The following CIP2A variants were observed in gnomAD, a reference collection of about 807,000 sequenced individuals.
The protein encoded by CIP2A is protein CIP2A.
In CIP2A, 103 loss-of-function variants were observed where a neutral mutation model predicts 110.9. That is an observed-to-expected ratio of 0.93 (90% CI 0.79 to 1.09). The LOEUF is 1.09. Among genes scored for constraint, CIP2A ranks in the 50% least tolerant of loss-of-function variants. CIP2A has a pLI of 0.00. For missense variants in CIP2A, 1,088 were observed against 1,038.4 expected (o/e 1.05, Z -0.66); for synonymous variants, 381 against 361.6 (o/e 1.05, Z -0.61).
At chr3:108,563,896 C>A (rs1030316249) in intron 12 of CIP2A, among the ~76,000 whole-genome samples, 1 of 151,806 alleles carries the variant, frequency 6.6e-6, no homozygotes, top group African/African-American at 2.4e-5. Flanking sequence ...TTGAGTATCA[C>A]CTTTGAGCCT....
intron 5 of CIP2A, among the ~76,000 whole-genome samples, chr3:108,580,548 C>A (rs903249452): frequency 2.0e-5 from 3 of 150,958 alleles, no homozygotes; most frequent in Admixed American, 1.3e-4. Context: ...AATTTAAAAT[C>A]GAACGGGTAA....
intron 7 of CIP2A, among the ~76,000 whole-genome samples, chr3:108,578,303 A>G (rs920660347): frequency 4.6e-5 from 7 of 152,196 alleles, no homozygotes; most frequent in African/African-American, 7.2e-5. Context: ...ATAGATATAC[A>G]TGGATATTGG....
At chr3:108,589,159 G>T in intron 1 of CIP2A, 115 bp downstream of exon 1, 1 of 725,540 alleles carries the variant, frequency 1.4e-6, no homozygotes, top group Non-Finnish European at 2.4e-6. Flanking sequence ...AGACAACAGA[G>T]GGATCGAAGG....
At chr3:108,568,063 T>C in intron 10 of CIP2A, 92 bp downstream of exon 10, 1 of 986,238 alleles carries the variant, frequency 1.0e-6, no homozygotes. Context: ...AAGTGACAAA[T>C]TACAAATAAA....
intron 1 of CIP2A, among the ~76,000 whole-genome samples, chr3:108,588,738 A>G (rs1939184668): frequency 6.6e-6 from 1 of 152,206 alleles, no homozygotes; most frequent in Admixed American, 6.5e-5. Context: ...AAGATTAAAA[A>G]ACTGTAAGCA....
intron 13 of CIP2A, 67 bp from the exon 14 acceptor site, chr3:108,560,908 A>C (rs911270225): frequency 9.2e-7 from 1 of 1,087,494 alleles, no homozygotes; most frequent in African/African-American, 1.6e-5. Flanking sequence ...GACTTAGTGC[A>C]GAATTAGGGA....
At chr3:108,569,787 T>C (rs958874858) in intron 8 of CIP2A, among the ~76,000 whole-genome samples, 180 bp from the exon 9 acceptor site, 4 of 152,020 alleles carry the variant, frequency 2.6e-5, no homozygotes, top group African/African-American at 9.7e-5. Flanking sequence ...GATTATAAAA[T>C]AAACTTATTA....
intron 20 of CIP2A, 23 bp from the exon 21 acceptor site, chr3:108,551,342 G>A: frequency 6.4e-7 from 1 of 1,556,540 alleles, no homozygotes; most frequent in Non-Finnish European, 8.7e-7. Context: ...GGTTGGGGGA[G>A]GAGGAAGAAT....
chr3:108,558,532 G>C (rs1009581933), intron 16 of CIP2A, among the ~76,000 whole-genome samples: 22 of 152,064 alleles, frequency 1.4e-4, no homozygotes, highest in Admixed American at 2.6e-4. Flanking sequence ...CTATGCTAGG[G>C]CCTGGAGCTA....
chr3:108,568,307 A>G lies in CIP2A; in HGVS notation c.1121T>C (p.Ile374Thr), dbSNP rs532528565. The change falls in exon 10 of 21, where the codon ATA (isoleucine) becomes ACA (threonine). Residue 374 changes from isoleucine (I) to threonine (T), a missense_variant. Coordinates refer to ENST00000295746, the MANE Select transcript of CIP2A (RefSeq NM_020890.3). ...AGCCGAGGAACAGTTAGCAGCATCT[A>G]TGACATCCTGGAGAATTATCCATCA... ...ELFKEIFEDVIDAANCSSADR... is the reference protein window; with the variant it reads ...ELFKEIFEDVTDAANCSSADR... 1.2e-6 allele frequency: 2 copies of G among 1,611,436 alleles called. No homozygotes were observed. The highest frequency in any genetic ancestry group is 1.3e-5 in the African/African-American group (1 of 74,910).
chr3:108,557,772 A>C (rs932052236), intron 16 of CIP2A, among the ~76,000 whole-genome samples: 3 of 152,160 alleles, frequency 2.0e-5, no homozygotes, highest in African/African-American at 7.2e-5. Flanking sequence ...CAGCATTCTC[A>C]TTTCAGGTGA....
Position 108,551,091 on chromosome 3 carries a change from CAATAGATAAATACAT to C in CIP2A, c.*43_*57del. 2.3e-5 allele frequency: 17 copies of C among 746,124 alleles called. No individual in the cohort carries two copies. Among genetic ancestry groups the C allele is most frequent in the Non-Finnish European group, 3.0e-5 (15 of 493,396 alleles). The allele number at this position is 746,124 out of a possible 1,614,324, so 46.2% of individuals were successfully genotyped here. On this transcript the variant is annotated 3_prime_UTR_variant, in exon 21 of 21. Transcript: ENST00000295746. ...TTAACTCCCCTACCCACCCCCCCTC[CAATAGATAAATACAT>C]CAAAAATATCATGAGATTACAAATT...
chr3:108,558,551 G>A (rs1014702300), intron 16 of CIP2A, among the ~76,000 whole-genome samples: 1 of 152,118 alleles, frequency 6.6e-6, no homozygotes, highest in Admixed American at 6.6e-5. Flanking sequence ...TATAGAAGCA[G>A]TCTTTGATAC....
chr3:108,582,146 G>A lies in CIP2A; in HGVS notation c.414C>T (p.Ala138=), dbSNP rs765395751. 4.0e-6 allele frequency: 6 copies of A among 1,508,412 alleles called. No individual in the cohort carries two copies. The allele number at this position is 1,508,412 out of a possible 1,614,324, so 93.4% of individuals were successfully genotyped here. A position where few individuals can be genotyped will look rare whatever the true frequency, so the allele number is the denominator to read the frequency against. The stretch of plus-strand genomic sequence containing the variant: ...GGAACGTAATTAATTCATCTATATT[G>A]GCACCAGAATAGAAAATTTTGACAT... The part of the protein sequence containing the change: ...TYNVKIFYSG[A]NIDELITFLI... The change falls in exon 4 of 21, where the codon GCC becomes GCT. Residue 138 remains alanine, a synonymous_variant. Transcript: ENST00000295746.
rs755932255 is a variant in CIP2A at position 108,565,499 on chromosome 3, T to G, written c.1416-45A>C. Reference sequence around the variant, plus strand: ...TTAAATTAGATAACTGAAAAATTTCTTAGAGCTTGTTTCTGTCCAAAATTC... The same window carrying G: ...TTAAATTAGATAACTGAAAAATTTCGTAGAGCTTGTTTCTGTCCAAAATTC... On this transcript the variant is annotated intron_variant, in intron 11 of 20. Coordinates refer to ENST00000295746, the MANE Select transcript of CIP2A (RefSeq NM_020890.3). 3.8e-6 allele frequency: 4 copies of G among 1,047,598 alleles called. No homozygotes were observed. The East Asian group carries it at 1.0e-4, about 26-fold the overall frequency. 64.9% of individuals were successfully genotyped at this position (1,047,598 alleles called of 1,614,324 possible). A position where few individuals can be genotyped will look rare whatever the true frequency, so the allele number is the denominator to read the frequency against.
At position 108,576,253 on chromosome 3, in the gene CIP2A, A is replaced by G; in HGVS notation, c.894+18T>C. ...GCAGTTTTTAAAAGTTTAAATGAAAAGTCATGTTTTTACATACCTTTGAAG... is the reference window on the plus strand; with the variant it reads ...GCAGTTTTTAAAAGTTTAAATGAAAGGTCATGTTTTTACATACCTTTGAAG... On this transcript the variant is annotated intron_variant, in intron 8 of 20. Transcript: ENST00000295746. 2 of 1,470,476 alleles carry G rather than the reference A, an allele frequency of 1.4e-6. No individual in the cohort carries two copies. Among genetic ancestry groups the G allele is most frequent in the Admixed American group, 2.4e-5 (1 of 42,076 alleles). The allele number at this position is 1,470,476 out of a possible 1,614,324, so 91.1% of individuals were successfully genotyped here.
At chr3:108,558,792 G>A (rs1937898094) in intron 16 of CIP2A, among the ~76,000 whole-genome samples, 1 of 152,134 alleles carries the variant, frequency 6.6e-6, no homozygotes, top group Non-Finnish European at 1.5e-5. Context: ...AAGGAAATAC[G>A]AGAATATGTC....
rs1938243753 is a variant in CIP2A at position 108,568,022 on chromosome 3, A to C, written c.1273+133T>G. On this transcript the variant is annotated intron_variant, in intron 10 of 20. Coordinates refer to ENST00000295746, the MANE Select transcript of CIP2A (RefSeq NM_020890.3). ...GAATTTTTTCTACAGTTCAAATTTT[A>C]GTTCAGTAATTCTAGATAAATATGA... The C allele has an allele frequency of 1.2e-5, 7 of 586,216 alleles. No homozygotes were observed. The South Asian group carries it at 2.9e-4, about 24-fold the overall frequency. The allele number at this position is 586,216 out of a possible 1,614,324, so 36.3% of individuals were successfully genotyped here.
intron 9 of CIP2A, among the ~76,000 whole-genome samples, chr3:108,569,022 T>C (rs1237728664): frequency 6.6e-6 from 1 of 151,188 alleles, no homozygotes; most frequent in Admixed American, 6.6e-5. Context: ...CTGAATCCAA[T>C]ATGCCTCTAT....
Sources: gnomAD v4.1 joint callset for allele counts (sites outside exome capture counted in the v4.1 genomes callset) on GRCh38, gnomAD v4.1.1 for gene constraint, MANE v1.5 for transcripts, NCBI Gene and HGNC (gene_info 2026-07-23, HGNC 2026-07-21) for gene names.